The following EFCAB13 variants were observed in gnomAD, a reference collection of about 807,000 sequenced individuals.
EFCAB13 encodes EF-hand calcium-binding domain-containing protein 13.
EFCAB13 carries 91 observed loss-of-function variants against 110.2 expected under a neutral mutation model. The ratio of observed to expected loss-of-function variants is 0.83; its 90% CI spans 0.70 to 0.98. The LOEUF (loss-of-function observed/expected upper bound fraction) is 0.98, where lower values mean the gene tolerates loss of function less well. Ranked by LOEUF, EFCAB13 falls within the 50% of genes least tolerant of loss-of-function variation. The probability of loss-of-function intolerance (pLI) is 0.00; values close to 1 mark genes in which losing one functional copy is unlikely to be tolerated. For synonymous variants in EFCAB13, 323 were observed against 369.9 expected (o/e 0.87, Z 1.45); for missense variants, 968 against 1,119.4 (o/e 0.86, Z 1.93).
chr17:47,379,650 G>A (rs983532453), intron 14 of EFCAB13, among the ~76,000 whole-genome samples: 1 of 151,622 alleles, frequency 6.6e-6, no homozygotes, highest in African/African-American at 2.4e-5. Flanking sequence ...CTTTATCAAG[G>A]TATAATTTAT....
At chr17:47,396,084 A>G (rs2065736667) in intron 17 of EFCAB13, 107 bp downstream of exon 17, 7 of 891,248 alleles carry the variant, frequency 7.9e-6, no homozygotes, top group African/African-American at 5.0e-5. Flanking sequence ...GTGTTCGAAT[A>G]TGATTGAAAT....
rs1349100259 is a variant in EFCAB13, at chr17:47,380,940, T to G, written c.1582+1687T>G. On this transcript the variant is annotated intron_variant, in intron 14 of 24. Coordinates refer to ENST00000331493, the MANE Select transcript of EFCAB13 (RefSeq NM_152347.5). ...CTCTGTCACCTAGGCTGGAGTGCAG[T>G]GGCACGGTCTTGGCTCACTGCAACC... Among the ~76,000 whole-genome samples, 20 of 149,684 alleles carry G rather than the reference T, an allele frequency of 1.3e-4. No individual in the cohort carries two copies. The South Asian group carries it at 4.3e-3, about 32-fold the overall frequency.
rs764721433 is a variant in EFCAB13, at chr17:47,394,028, C to CA, written c.1737dup (p.Val580SerfsTer4). The CA allele has an allele frequency of 1.4e-5, 22 of 1,532,666 alleles. 1 individual carries two copies. In the African/African-American group the frequency reaches 1.8e-4, roughly 13 times the overall value. The allele number at this position is 1,532,666 out of a possible 1,614,324, so 94.9% of individuals were successfully genotyped here. On this transcript the variant is annotated frameshift_variant, in exon 16 of 25. Transcript: ENST00000331493. LOFTEE classifies it high-confidence loss of function. ...AATGTGTTTCTTTTTCCTGTAGAAA[C>CA]AAAAAAAGTGAATTTTAAAGAATTC... is the stretch of plus-strand genomic sequence containing the variant.
intron 14 of EFCAB13, among the ~76,000 whole-genome samples, chr17:47,382,535 A>G (rs533047659): frequency 5.9e-5 from 9 of 152,312 alleles, no homozygotes; most frequent in African/African-American, 1.7e-4. Context: ...TGTTCCATCA[A>G]TACCTAGTTT....
At chr17:47,404,231 A>G (rs1482397474) in intron 19 of EFCAB13, among the ~76,000 whole-genome samples, 1 of 152,120 alleles carries the variant, frequency 6.6e-6, no homozygotes, top group Non-Finnish European at 1.5e-5. Flanking sequence ...CTCTGTCCTC[A>G]TTGCTATCTT....
intron 9 of EFCAB13, among the ~76,000 whole-genome samples, chr17:47,349,453 C>T (rs1022377111): frequency 4.6e-5 from 7 of 152,018 alleles, no homozygotes; most frequent in Admixed American, 4.6e-4. Context: ...AGTACTAGTC[C>T]CATAGCATTC....
At position 47,347,843 on chromosome 17, in the gene EFCAB13, C is replaced by T. The variant is rs201299500; in HGVS notation, c.553C>T (p.Arg185Ter). The T allele has an allele frequency of 8.4e-5, 129 of 1,527,818 alleles. No individual in the cohort carries two copies. In the African/African-American group the frequency reaches 1.1e-3, roughly 13 times the overall value. 94.6% of individuals were successfully genotyped at this position (1,527,818 alleles called of 1,614,324 possible). Reference sequence around the variant, plus strand: ...AGCCTGTAAAATTTTTAGTAAAATTCGAAGTGGTAAGATTTATGTGAATGA... The same window carrying T: ...AGCCTGTAAAATTTTTAGTAAAATTTGAAGTGGTAAGATTTATGTGAATGA... Reference protein sequence around the residue: ...HKACKIFSKIRSGKIYVNDLP... With the variant: ...HKACKIFSKI Residue 185 changes from arginine to a stop codon, truncating the protein, a stop_gained, in exon 9 of 25, where the codon CGA (arginine) becomes TGA (stop). Coordinates refer to ENST00000331493, the MANE Select transcript of EFCAB13 (RefSeq NM_152347.5). LOFTEE classifies it high-confidence loss of function.
intron 10 of EFCAB13, among the ~76,000 whole-genome samples, chr17:47,361,967 A>C (rs2065516186): frequency 6.6e-6 from 1 of 152,108 alleles, no homozygotes; most frequent in Non-Finnish European, 1.5e-5. Flanking sequence ...AAACATGATA[A>C]AAATATTTAG....
intron 14 of EFCAB13, among the ~76,000 whole-genome samples, chr17:47,380,785 GATGGTAT>G (rs1298253946): frequency 6.6e-6 from 1 of 151,970 alleles, no homozygotes; most frequent in African/African-American, 2.4e-5. Flanking sequence ...ACTGGCATGA[GATGGTAT>G]CTCATTGTGG....
chr17:47,394,620 G>A (rs2143419454), intron 16 of EFCAB13, among the ~76,000 whole-genome samples: 1 of 152,282 alleles, frequency 6.6e-6, no homozygotes, highest in East Asian at 1.9e-4. Flanking sequence ...GGTCACATGT[G>A]TATATTTTTA....
chr17:47,397,585 G>A (rs1277277999), intron 17 of EFCAB13, among the ~76,000 whole-genome samples: 4 of 151,168 alleles, frequency 2.6e-5, no homozygotes, highest in Admixed American at 2.6e-4. Context: ...CTTCCCGGCC[G>A]CCATCCTATC....
At chr17:47,393,712 T>A (rs2065721158) in intron 15 of EFCAB13, among the ~76,000 whole-genome samples, 1 of 120,278 alleles carries the variant, frequency 8.3e-6, no homozygotes. Context: ...TGAGACTCTT[T>A]CTCAAAAATA....
At chr17:47,365,289 A>G (rs1020039999) in intron 10 of EFCAB13, among the ~76,000 whole-genome samples, 1 of 152,234 alleles carries the variant, frequency 6.6e-6, no homozygotes, top group East Asian at 1.9e-4. Flanking sequence ...CTCATGCCAC[A>G]TCTTCCAATC....
intron 6 of EFCAB13, 76 bp from the exon 7 acceptor site, chr17:47,344,086 G>A: frequency 4.1e-6 from 6 of 1,465,470 alleles, no homozygotes; most frequent in Non-Finnish European, 5.5e-6. Context: ...TATCTTTTAA[G>A]AGTTGTATCA....
chr17:47,372,102 A>G (rs1033819572), intron 11 of EFCAB13, among the ~76,000 whole-genome samples: 4 of 152,152 alleles, frequency 2.6e-5, no homozygotes, highest in South Asian at 4.1e-4. Flanking sequence ...AGTTATTGAT[A>G]TGGAAGGATT....
chr17:47,427,096 G>T (rs1567807890), intron 23 of EFCAB13, among the ~76,000 whole-genome samples: 1 of 152,066 alleles, frequency 6.6e-6, no homozygotes, highest in Non-Finnish European at 1.5e-5. Flanking sequence ...TTAAGTGAGA[G>T]CATTTCCCTG....
intron 5 of EFCAB13, 41 bp downstream of exon 5, chr17:47,335,397 T>C: frequency 2.0e-6 from 3 of 1,526,088 alleles, no homozygotes; most frequent in Non-Finnish European, 1.8e-6. Flanking sequence ...GAATTATACT[T>C]TTGCAAGTTA....
intron 16 of EFCAB13, among the ~76,000 whole-genome samples, chr17:47,395,357 T>G (rs563111153): frequency 1.3e-5 from 2 of 152,324 alleles, no homozygotes; most frequent in South Asian, 4.1e-4. Context: ...CAGTGACTTT[T>G]TACAAATTTG....
chr17:47,372,664 A>G (rs1329219291), intron 11 of EFCAB13, among the ~76,000 whole-genome samples: 2 of 152,214 alleles, frequency 1.3e-5, no homozygotes, highest in Non-Finnish European at 2.9e-5. Flanking sequence ...TTTGTCTGGG[A>G]AAGTCTTTAT....
Sources: allele counts gnomAD v4.1 joint callset (sites outside exome capture counted in the v4.1 genomes callset), GRCh38; gene constraint gnomAD v4.1.1; transcripts MANE v1.5; gene names NCBI Gene and HGNC (gene_info 2026-07-23, HGNC 2026-07-21).